CHCHD3: variants seen among roughly 807,000 people sequenced by gnomAD.
The protein encoded by CHCHD3 is MICOS complex subunit MIC19.
In CHCHD3, 20 loss-of-function variants were observed where a neutral mutation model predicts 38.2. The observed-to-expected ratio is 0.52, with a 90% CI of 0.37 to 0.76. CHCHD3 has a LOEUF of 0.76. CHCHD3 is among the 30% of genes least tolerant of loss of function. The pLI is 0.00. For synonymous variants in CHCHD3, 82 were observed against 100.0 expected, an observed-to-expected ratio of 0.82 and a Z score of 1.07; for missense variants, 245 against 279.2, an observed-to-expected ratio of 0.88 and a Z score of 0.87.
intron 6 of CHCHD3, among the ~76,000 whole-genome samples, chr7:132,815,259 T>C (rs1807168933): frequency 6.6e-6 from 1 of 152,200 alleles, no homozygotes; most frequent in African/African-American, 2.4e-5. Context: ...TATTTAGGAG[T>C]GAGGCCATCT....
intron 2 of CHCHD3, among the ~76,000 whole-genome samples, chr7:133,042,529 C>T (rs1813862084): frequency 6.6e-6 from 1 of 152,160 alleles, no homozygotes; most frequent in Non-Finnish European, 1.5e-5. Flanking sequence ...ATCAACTCTG[C>T]GATGACACAG....
chr7:132,919,047 C>G (rs1429902878), intron 4 of CHCHD3, among the ~76,000 whole-genome samples: 1 of 145,442 alleles, frequency 6.9e-6, no homozygotes, highest in African/African-American at 2.5e-5. Context: ...TATACTGTAT[C>G]TGAATCATCA....
intron 7 of CHCHD3, 51 bp downstream of exon 7, chr7:132,796,391 T>C (rs745420569): frequency 2.5e-6 from 4 of 1,606,364 alleles, no homozygotes; most frequent in Non-Finnish European, 3.4e-6. Flanking sequence ...CCCCAGGTCA[T>C]CCAGTTTTCA....
chr7:132,844,017 G>A (rs1289287947), intron 5 of CHCHD3, among the ~76,000 whole-genome samples: 2 of 152,168 alleles, frequency 1.3e-5, no homozygotes, highest in African/African-American at 2.4e-5. Flanking sequence ...GAGAACAAAC[G>A]GGCCGGGCGA....
At chr7:133,008,512 CA>C (rs1192054559) in intron 3 of CHCHD3, among the ~76,000 whole-genome samples, 1 of 150,906 alleles carries the variant, frequency 6.6e-6, no homozygotes, top group Non-Finnish European at 1.5e-5. Flanking sequence ...GTATTTCCAA[CA>C]AAAATAAAAA....
intron 6 of CHCHD3, among the ~76,000 whole-genome samples, chr7:132,831,165 A>G (rs1350091948): frequency 1.3e-5 from 2 of 152,182 alleles, no homozygotes; most frequent in Non-Finnish European, 2.9e-5. Flanking sequence ...CAATAACTCT[A>G]GTTATAATGT....
chr7:133,076,596 A>C (rs1351142464), intron 1 of CHCHD3, among the ~76,000 whole-genome samples: 1 of 152,218 alleles, frequency 6.6e-6, no homozygotes, highest in Non-Finnish European at 1.5e-5. Context: ...AGAGGGGGAA[A>C]GGCCATGTGT....
At chr7:133,019,370 T>C (rs1459366236) in intron 3 of CHCHD3, among the ~76,000 whole-genome samples, 1 of 152,116 alleles carries the variant, frequency 6.6e-6, no homozygotes, top group Non-Finnish European at 1.5e-5. Flanking sequence ...CTTAAACAGA[T>C]GGTACCATCC....
intron 2 of CHCHD3, among the ~76,000 whole-genome samples, chr7:133,031,535 T>G (rs1813504349): frequency 6.6e-6 from 1 of 152,070 alleles, no homozygotes; most frequent in Non-Finnish European, 1.5e-5. Flanking sequence ...TATAATTCCC[T>G]CCCCAATTAC....
At chr7:132,995,470 G>T (rs1812389473) in intron 3 of CHCHD3, among the ~76,000 whole-genome samples, 1 of 152,158 alleles carries the variant, frequency 6.6e-6, no homozygotes, top group South Asian at 2.1e-4. Flanking sequence ...ATCCTCACTT[G>T]ATATTTTCCA....
intron 4 of CHCHD3, among the ~76,000 whole-genome samples, chr7:132,959,510 G>A (rs925284670): frequency 1.3e-5 from 2 of 152,030 alleles, no homozygotes; most frequent in Non-Finnish European, 2.9e-5. Context: ...ATCATTTGAG[G>A]TCAGGAGTTC....
chr7:132,951,504 G>C (rs1335511497), intron 4 of CHCHD3, among the ~76,000 whole-genome samples: 2 of 152,112 alleles, frequency 1.3e-5, no homozygotes, highest in African/African-American at 2.4e-5. Flanking sequence ...CTACACTTTG[G>C]TCAGTGACAG....
intron 2 of CHCHD3, among the ~76,000 whole-genome samples, chr7:133,063,968 T>TC (rs776756847): frequency 5.9e-5 from 9 of 152,180 alleles, no homozygotes; most frequent in Non-Finnish European, 1.5e-5. Context: ...CAAGTTCACT[T>TC]CCCCTGATGC....
intron 4 of CHCHD3, among the ~76,000 whole-genome samples, chr7:132,944,592 G>A (rs946369967): frequency 7.3e-5 from 11 of 151,554 alleles, no homozygotes; most frequent in Non-Finnish European, 1.5e-5. Flanking sequence ...AAATATTGTT[G>A]TAATAAAATA....
chr7:133,021,840 A>C (rs1217426047), intron 3 of CHCHD3, among the ~76,000 whole-genome samples: 1 of 152,110 alleles, frequency 6.6e-6, no homozygotes, highest in Non-Finnish European at 1.5e-5. Context: ...TAATCCCAGC[A>C]CTTTGGGAGG....
chr7:132,915,250 G>A (rs776386509), intron 4 of CHCHD3, among the ~76,000 whole-genome samples: 6 of 152,156 alleles, frequency 3.9e-5, no homozygotes, highest in Non-Finnish European at 7.3e-5. Flanking sequence ...GCTATGGTAA[G>A]GAGGAACGGA....
intron 4 of CHCHD3, among the ~76,000 whole-genome samples, chr7:132,905,349 C>T (rs1201685014): frequency 3.3e-5 from 5 of 151,928 alleles, no homozygotes; most frequent in Non-Finnish European, 1.5e-5. Flanking sequence ...AACACAGAAA[C>T]AGAAACTGAA....
intron 5 of CHCHD3, among the ~76,000 whole-genome samples, chr7:132,866,969 C>T (rs1438559313): frequency 6.6e-6 from 1 of 152,142 alleles, no homozygotes; most frequent in Non-Finnish European, 1.5e-5. Context: ...AGCATCTAAT[C>T]GGAGGCCTCG....
Position 133,081,836 on chromosome 7 carries a change from C to A in CHCHD3, c.81+21G>T, listed in dbSNP as rs58169666. 2,615 of 1,551,126 alleles carry A rather than the reference C, an allele frequency of 1.7e-3. 39 individuals carry two copies. In the African/African-American group the frequency reaches 0.031, roughly 19 times the overall value. On this transcript the variant is annotated intron_variant, in intron 1 of 7. Transcript: ENST00000262570. ...GGTCCGAGTCCAACCACTGGCCCTC[C>A]GCCCGTCCACGGGCACTCACCCGGA... is the stretch of plus-strand genomic sequence containing the variant.
Sources: gnomAD v4.1 joint callset for allele counts (sites outside exome capture counted in the v4.1 genomes callset) on GRCh38, gnomAD v4.1.1 for gene constraint, MANE v1.5 for transcripts, NCBI Gene and HGNC (gene_info 2026-07-23, HGNC 2026-07-21) for gene names.